Variants in CMYA5 observed in about 807,000 individuals in gnomAD.
CMYA5 encodes cardiomyopathy associated 5.
A neutral mutation model predicts 318.9 loss-of-function variants in CMYA5; 246 were observed. The observed-to-expected ratio is 0.77, with a 90% CI of 0.70 to 0.86. CMYA5 has a LOEUF of 0.86. Among genes scored for constraint, CMYA5 ranks in the 40% least tolerant of loss-of-function variants. The pLI, the probability that CMYA5 is intolerant of heterozygous loss-of-function variation, is 0.00. For synonymous variants in CMYA5, 1,641 were observed against 1,729.5 expected, an observed-to-expected ratio of 0.95 and a Z score of 1.27; for missense variants, 4,589 against 4,678.2, an observed-to-expected ratio of 0.98 and a Z score of 0.56.
rs983112099 is a variant in CMYA5, at chr5:79,731,459, A to G, written c.2694A>G (p.Thr898=). ...VELERYTPSS[T]SASEFSVPPY... ...TGGAACGATACACACCCTCTTCTAC[A>G]TCTGCTTCTGAATTTTCAGTACCAC... Residue 898 remains threonine (T), a synonymous_variant, in exon 2 of 13, where the codon ACA becomes ACG. Coordinates refer to ENST00000446378, the MANE Select transcript of CMYA5 (RefSeq NM_153610.5). 6.2e-7 allele frequency: 1 copy of G among 1,609,902 alleles called. No homozygotes were observed. Among genetic ancestry groups the G allele is most frequent in the Non-Finnish European group, 8.5e-7 (1 of 1,177,524 alleles).
rs764083291 is a variant in CMYA5, at chr5:79,743,842, T to G, written c.10654T>G (p.Phe3552Val). The stretch of plus-strand genomic sequence containing the variant: ...TTTTCTTCAGGTTCAATTAGCAGAA[T>G]TTCTAGAAAATTTACAAGAAAAGTC... ...ISAVKVQLAE[F>V]LENLQEKSLR... The change falls in exon 3 of 13, where the codon TTT becomes GTT. Residue 3552 changes from phenylalanine to valine, a missense_variant. Phe to Val is a conservative substitution (Grantham distance 50). Transcript: ENST00000446378. The G allele has an allele frequency of 6.5e-7, 1 of 1,538,128 alleles. No individual in the cohort carries two copies. Among genetic ancestry groups the G allele is most frequent in the South Asian group, 1.2e-5 (1 of 82,556 alleles).
intron 1 of CMYA5, among the ~76,000 whole-genome samples, chr5:79,714,609 T>A (rs1485970877): frequency 1.3e-5 from 2 of 151,940 alleles, no homozygotes; most frequent in South Asian, 2.1e-4. Flanking sequence ...TGCTGGTTTT[T>A]AGAATTTTTT....
Position 79,738,920 on chromosome 5 carries a change from A to C in CMYA5, c.10155A>C (p.Ala3385=), listed in dbSNP as rs546758427. The change falls in exon 2 of 13, where the codon GCA becomes GCC. Residue 3385 remains alanine (A), a synonymous_variant. Coordinates refer to ENST00000446378, the MANE Select transcript of CMYA5 (RefSeq NM_153610.5). Reference sequence around the variant, plus strand: ...TGTCCTTCCCGGAGGAAGAATTTGCATCTGGTGCAACTCATGTTCAAGAAA... The same window carrying C: ...TGTCCTTCCCGGAGGAAGAATTTGCCTCTGGTGCAACTCATGTTCAAGAAA... ...VQVSFPEEEF[A]SGATHVQETS... is the part of the protein sequence containing the mutation. The C allele has an allele frequency of 2.4e-5, 39 of 1,613,964 alleles. No homozygotes were observed. In the South Asian group the frequency reaches 4.1e-4, roughly 17 times the overall value.
At position 79,729,356 on chromosome 5, in the gene CMYA5, C is replaced by T; in HGVS notation, c.591C>T (p.Thr197=). 28 of 1,612,896 alleles carry T rather than the reference C, an allele frequency of 1.7e-5. No individual in the cohort carries two copies. The highest frequency in any genetic ancestry group is 2.4e-5 in the Non-Finnish European group (28 of 1,179,556). Residue 197 remains threonine (T), a synonymous_variant, in exon 2 of 13, where the codon ACC becomes ACT. Transcript: ENST00000446378. ...ATGATAAAGCAAGAAAAAAGAAGACCACTTCAAATACACCTCCGATTACTG... is the reference window on the plus strand; with the variant it reads ...ATGATAAAGCAAGAAAAAAGAAGACTACTTCAAATACACCTCCGATTACTG... ...GIYDKARKKK[T]TSNTPPITGA...
intron 1 of CMYA5, among the ~76,000 whole-genome samples, chr5:79,693,760 A>C (rs1315322540): frequency 6.6e-6 from 1 of 152,246 alleles, no homozygotes; most frequent in Non-Finnish European, 1.5e-5. Context: ...AATGTGCCAG[A>C]GACTTCCTAG....
chr5:79,742,584 C>CA (rs766637245), intron 2 of CMYA5, among the ~76,000 whole-genome samples: 1 of 152,148 alleles, frequency 6.6e-6, no homozygotes, highest in South Asian at 2.1e-4. Flanking sequence ...GTTCCAGGAG[C>CA]CAATGGCTGC....
chr5:79,689,860 G>T lies in CMYA5; in HGVS notation c.-48G>T. 1 of 648,200 alleles carries T rather than the reference G, an allele frequency of 1.5e-6. No individual in the cohort carries two copies. Among genetic ancestry groups the T allele is most frequent in the Non-Finnish European group, 2.8e-6 (1 of 361,014 alleles). The allele number at this position is 648,200 out of a possible 1,614,324, so 40.2% of individuals were successfully genotyped here. A position where few individuals can be genotyped will look rare whatever the true frequency, so the allele number is the denominator to read the frequency against. ...CAGTCGGAGGGAGAACACCAGGCGC[G>T]GCGCGGGCGGCTCCGGCTCCGGCCC... On this transcript the variant is annotated 5_prime_UTR_variant, in exon 1 of 13. Transcript: ENST00000446378.
intron 1 of CMYA5, among the ~76,000 whole-genome samples, chr5:79,706,696 G>C (rs953451251): frequency 3.3e-5 from 5 of 152,050 alleles, no homozygotes; most frequent in Non-Finnish European, 7.4e-5. Flanking sequence ...AAACCTCCCT[G>C]ACTGCACGTC....
chr5:79,794,867 C>T lies in CMYA5; in HGVS notation c.11963+1257C>T, dbSNP rs1033093085. Among the ~76,000 whole-genome samples the T allele has an allele frequency of 2.0e-5, 3 of 152,084 alleles. No homozygotes were observed. The East Asian group carries it at 5.8e-4, about 29-fold the overall frequency. On this transcript the variant is annotated intron_variant, in intron 12 of 12. Transcript: ENST00000446378. ...CATCTCCAAGCACTACTTAAAGTCA[C>T]GTTTCGTCAAGTCAGAGCAATTATG...
At chr5:79,768,644 G>A (rs574940861) in intron 9 of CMYA5, among the ~76,000 whole-genome samples, 6 of 152,238 alleles carry the variant, frequency 3.9e-5, no homozygotes, top group South Asian at 2.1e-4. Flanking sequence ...TGGCTTGTAC[G>A]GTTTCTGCAA....
At chr5:79,727,526 G>A (rs554249871) in intron 1 of CMYA5, among the ~76,000 whole-genome samples, 5 of 152,016 alleles carry the variant, frequency 3.3e-5, no homozygotes, top group Middle Eastern at 3.4e-3. Context: ...AAGGTTTTTT[G>A]TTTTTATTGT....
intron 1 of CMYA5, among the ~76,000 whole-genome samples, chr5:79,706,141 G>A (rs1016682888): frequency 1.3e-5 from 2 of 152,142 alleles, no homozygotes; most frequent in Admixed American, 6.5e-5. Flanking sequence ...CTGGTCCTGC[G>A]ATGCTGCCAA....
At position 79,752,775 on chromosome 5, in the gene CMYA5, G is replaced by C; in HGVS notation, c.11091G>C (p.Gln3697His). The C allele has an allele frequency of 6.2e-7, 1 of 1,613,106 alleles. No individual in the cohort carries two copies. Among genetic ancestry groups the C allele is most frequent in the South Asian group, 1.1e-5 (1 of 90,984 alleles). Residue 3697 changes from glutamine to histidine, a missense_variant, in exon 6 of 13, where the codon CAG (glutamine) becomes CAC (histidine). Transcript: ENST00000446378. ...HYDDSSARSD[Q>H]MLKQVAVPQP... ...ATGACAGCTCGGCAAGAAGTGACCAGATGTTAAAACAAGTGGCTGGTAAGC... is the reference window on the plus strand; with the variant it reads ...ATGACAGCTCGGCAAGAAGTGACCACATGTTAAAACAAGTGGCTGGTAAGC...
chr5:79,744,741 T>C (rs1828284075), intron 3 of CMYA5, among the ~76,000 whole-genome samples: 1 of 152,234 alleles, frequency 6.6e-6, no homozygotes, highest in Admixed American at 6.5e-5. Flanking sequence ...TCTGGATGTG[T>C]CTGGACAGGC....
chr5:79,788,238 G>A (rs1206340843), intron 9 of CMYA5, among the ~76,000 whole-genome samples: 1 of 144,144 alleles, frequency 6.9e-6, no homozygotes, highest in Non-Finnish European at 1.5e-5. Flanking sequence ...CTTAATTCAT[G>A]CTCTAGGCTA....
At position 79,738,211 on chromosome 5, in the gene CMYA5, A is replaced by G. The variant is rs780186342; in HGVS notation, c.9446A>G (p.Asp3149Gly). ...TCAAAGGACACAAAGAGAGATGTGG[A>G]CTCAAAGTCACCGGGGATGCCTTTA... ...NVSKDTKRDVDSKSPGMPLFE... is the reference protein window; with the variant it reads ...NVSKDTKRDVGSKSPGMPLFE... Residue 3149 changes from aspartate (D) to glycine (G), a missense_variant, in exon 2 of 13, where the codon GAC becomes GGC. Asp to Gly is a moderately conservative substitution (Grantham distance 94). Coordinates refer to ENST00000446378, the MANE Select transcript of CMYA5 (RefSeq NM_153610.5). The G allele has an allele frequency of 1.2e-6, 2 of 1,613,844 alleles. No individual in the cohort carries two copies. The highest frequency in any genetic ancestry group is 8.5e-7 in the Non-Finnish European group (1 of 1,179,834).
intron 1 of CMYA5, among the ~76,000 whole-genome samples, chr5:79,712,414 T>C (rs1338109686): frequency 2.0e-5 from 3 of 152,058 alleles, no homozygotes; most frequent in South Asian, 2.1e-4. Context: ...GGTATCACCA[T>C]GTTGGCCAGG....
At chr5:79,746,373 A>G (rs1023561631) in intron 4 of CMYA5, among the ~76,000 whole-genome samples, 2 of 152,190 alleles carry the variant, frequency 1.3e-5, no homozygotes, top group Admixed American at 6.5e-5. Context: ...CCATTCTCAA[A>G]GAGAACTAAA....
At chr5:79,701,583 C>T (rs1370846810) in intron 1 of CMYA5, among the ~76,000 whole-genome samples, 9 of 152,066 alleles carry the variant, frequency 5.9e-5, no homozygotes, top group Non-Finnish European at 1.2e-4. Context: ...GGAGAGGATG[C>T]GGAAGTATCA....
Sources: gnomAD v4.1 joint callset for allele counts (sites outside exome capture counted in the v4.1 genomes callset) on GRCh38, gnomAD v4.1.1 for gene constraint, MANE v1.5 for transcripts, NCBI Gene and HGNC (gene_info 2026-07-23, HGNC 2026-07-21) for gene names.